CNTN4: variants seen among roughly 807,000 people sequenced by gnomAD.
CNTN4 encodes contactin-4.
A neutral mutation model predicts 122.5 loss-of-function variants in CNTN4; 77 were observed. That is an observed-to-expected ratio of 0.63 (90% CI 0.52 to 0.76). The LOEUF (loss-of-function observed/expected upper bound fraction) is 0.76, where lower values mean the gene tolerates loss of function less well. CNTN4 is among the 30% of genes least tolerant of loss of function. CNTN4 has a pLI of 0.00. For synonymous variants in CNTN4, 512 were observed against 447.0 expected (o/e 1.15, Z -1.83); for missense variants, 1,256 against 1,259.1 (o/e 1.00, Z 0.04).
intron 3 of CNTN4, among the ~76,000 whole-genome samples, chr3:2,384,609 A>T (rs1362852389): frequency 6.6e-6 from 1 of 152,196 alleles, no homozygotes; most frequent in African/African-American, 2.4e-5. Flanking sequence ...CTAAATCAGG[A>T]CTTAAAATTA....
chr3:2,159,646 A>G (rs1432942413), intron 2 of CNTN4, among the ~76,000 whole-genome samples: 4 of 152,134 alleles, frequency 2.6e-5, no homozygotes, highest in African/African-American at 7.2e-5. Context: ...CCTGAGGACT[A>G]TTGCAGCATC....
chr3:2,430,040 G>A (rs777945443), intron 3 of CNTN4, among the ~76,000 whole-genome samples: 6 of 152,080 alleles, frequency 3.9e-5, no homozygotes, highest in Non-Finnish European at 7.4e-5. Context: ...GCCTCGCTCT[G>A]CTTCAGCTCA....
chr3:3,023,695 C>G (rs957547606), intron 14 of CNTN4, among the ~76,000 whole-genome samples: 3 of 152,202 alleles, frequency 2.0e-5, no homozygotes, highest in African/African-American at 7.2e-5. Flanking sequence ...AAAATCATCA[C>G]TGCTTGTTAC....
intron 3 of CNTN4, among the ~76,000 whole-genome samples, chr3:2,364,306 A>G (rs2045285390): frequency 6.6e-6 from 1 of 152,194 alleles, no homozygotes; most frequent in Non-Finnish European, 1.5e-5. Flanking sequence ...CTAGCAGAGT[A>G]TTAGATAGAA....
chr3:2,977,042 A>G (rs1479726778), intron 13 of CNTN4, among the ~76,000 whole-genome samples: 1 of 152,190 alleles, frequency 6.6e-6, no homozygotes, highest in Non-Finnish European at 1.5e-5. Flanking sequence ...GTCACAGGCT[A>G]ATTCTCCTGT....
chr3:2,994,860 T>C (rs190641473), intron 14 of CNTN4, among the ~76,000 whole-genome samples: 3 of 152,228 alleles, frequency 2.0e-5, no homozygotes, highest in South Asian at 2.1e-4. Context: ...AGGGGATCAA[T>C]CAGAAATCAG....
At chr3:3,020,051 G>A (rs1271069947) in intron 14 of CNTN4, among the ~76,000 whole-genome samples, 3 of 152,120 alleles carry the variant, frequency 2.0e-5, no homozygotes, top group Non-Finnish European at 4.4e-5. Context: ...TGAAGGGCCA[G>A]TGCTTGCATG....
At chr3:2,872,092 G>C (rs957301177) in intron 8 of CNTN4, among the ~76,000 whole-genome samples, 1 of 148,340 alleles carries the variant, frequency 6.7e-6, no homozygotes, top group Non-Finnish European at 1.5e-5. Flanking sequence ...GTTATAAATA[G>C]TGATGAGCCT....
At chr3:2,261,977 A>G (rs535205556) in intron 2 of CNTN4, among the ~76,000 whole-genome samples, 2 of 152,182 alleles carry the variant, frequency 1.3e-5, no homozygotes, top group African/African-American at 2.4e-5. Context: ...CACAAATCAC[A>G]TTGTCTCTAC....
intron 3 of CNTN4, among the ~76,000 whole-genome samples, chr3:2,354,671 T>C (rs572664063): frequency 1.1e-4 from 17 of 152,312 alleles, no homozygotes; most frequent in African/African-American, 4.1e-4. Context: ...GAGAGTCTGA[T>C]ATTAGCAGCA....
In CNTN4 at chr3:2,238,883, C is replaced by T. The variant is rs1452994657; in HGVS notation, c.-144-100295C>T. 20 of 58,318 alleles carry T rather than the reference C, an allele frequency of 3.4e-4. 3 individuals are homozygous for T. The highest frequency in any genetic ancestry group is 6.1e-4 in the Non-Finnish European group (16 of 26,206). The allele number at this position is 58,318 out of a possible 1,614,324, so 3.6% of individuals were successfully genotyped here. A position where few individuals can be genotyped will look rare whatever the true frequency, so the allele number is the denominator to read the frequency against. On this transcript the variant is annotated intron_variant, in intron 2 of 24. Coordinates refer to ENST00000418658, the MANE Select transcript of CNTN4 (RefSeq NM_175607.3). ...GCTGGGACTACAGGCGCCGCCACCA[C>T]GCCTGGCTAATTTTTGTATTTTTAG...
chr3:2,728,596 G>T (rs529387286), intron 4 of CNTN4, among the ~76,000 whole-genome samples: 1 of 152,330 alleles, frequency 6.6e-6, no homozygotes, highest in South Asian at 2.1e-4. Flanking sequence ...TACACACACG[G>T]AGCATTTACT....
chr3:2,734,065 T>C (rs1187269293), intron 4 of CNTN4, among the ~76,000 whole-genome samples: 1 of 152,054 alleles, frequency 6.6e-6, no homozygotes, highest in Admixed American at 6.6e-5. Context: ...TTTTTGTTGT[T>C]TTGTTTTGTT....
intron 4 of CNTN4, among the ~76,000 whole-genome samples, chr3:2,644,190 G>C (rs2083017769): frequency 6.6e-6 from 1 of 152,128 alleles, no homozygotes; most frequent in Non-Finnish European, 1.5e-5. Context: ...GCCCCTACAG[G>C]CAAGTCCTAA....
chr3:2,967,109 T>G (rs895085762), intron 13 of CNTN4, among the ~76,000 whole-genome samples: 1 of 152,126 alleles, frequency 6.6e-6, no homozygotes, highest in Non-Finnish European at 1.5e-5. Context: ...GGATCAGAGT[T>G]TTTAAGGATA....
intron 3 of CNTN4, among the ~76,000 whole-genome samples, chr3:2,474,009 G>A (rs1371434274): frequency 6.9e-6 from 1 of 143,930 alleles, no homozygotes; most frequent in Non-Finnish European, 1.6e-5. Flanking sequence ...AGCAAAACTC[G>A]GTCTCAAAAA....
At chr3:2,511,164 C>T (rs975476278) in intron 3 of CNTN4, among the ~76,000 whole-genome samples, 1 of 152,152 alleles carries the variant, frequency 6.6e-6, no homozygotes, top group Non-Finnish European at 1.5e-5. Flanking sequence ...AGGGCAAACC[C>T]ACCCTATGTA....
At chr3:2,939,317 GA>G (rs1454524722) in intron 13 of CNTN4, among the ~76,000 whole-genome samples, 1 of 152,084 alleles carries the variant, frequency 6.6e-6, no homozygotes, top group Non-Finnish European at 1.5e-5. Flanking sequence ...TGCCTGATGA[GA>G]AATCCAGGTG....
At chr3:2,169,496 T>A (rs187627020) in intron 2 of CNTN4, among the ~76,000 whole-genome samples, 1 of 151,518 alleles carries the variant, frequency 6.6e-6, no homozygotes, top group East Asian at 2.0e-4. Flanking sequence ...AAGCTCCGCC[T>A]CCCGGGTTCC....
Sources: allele counts gnomAD v4.1 joint callset (sites outside exome capture counted in the v4.1 genomes callset), GRCh38; gene constraint gnomAD v4.1.1; transcripts MANE v1.5; gene names NCBI Gene and HGNC (gene_info 2026-07-23, HGNC 2026-07-21).